The following CNTN3 variants were observed in gnomAD, a reference collection of about 807,000 sequenced individuals.
CNTN3 encodes the protein contactin 3.
A neutral mutation model predicts 119.1 loss-of-function variants in CNTN3; 60 were observed. That is an observed-to-expected ratio of 0.50 (90% CI 0.41 to 0.62). CNTN3 has a LOEUF of 0.62. Among genes scored for constraint, CNTN3 ranks in the 20% least tolerant of loss-of-function variants. The pLI, the probability that CNTN3 is intolerant of heterozygous loss-of-function variation, is 0.00. For missense variants in CNTN3, 1,101 were observed against 1,242.4 expected, an observed-to-expected ratio of 0.89 and a Z score of 1.71; for synonymous variants, 450 against 438.7, an observed-to-expected ratio of 1.03 and a Z score of -0.32.
At chr3:74,379,659 C>T (rs1287465223) in intron 5 of CNTN3, among the ~76,000 whole-genome samples, 1 of 152,188 alleles carries the variant, frequency 6.6e-6, no homozygotes, top group African/African-American at 2.4e-5. Flanking sequence ...CCTCTCCTAT[C>T]TCCAGTTGAA....
At chr3:74,405,087 T>C (rs1032598806) in intron 5 of CNTN3, among the ~76,000 whole-genome samples, 8 of 152,102 alleles carry the variant, frequency 5.3e-5, no homozygotes, top group Non-Finnish European at 1.2e-4. Flanking sequence ...ATACGGTTTC[T>C]GTCTTTGGAG....
chr3:74,541,118 T>C (rs1296358839), intron 1 of CNTN3, among the ~76,000 whole-genome samples: 3 of 152,102 alleles, frequency 2.0e-5, no homozygotes, highest in African/African-American at 7.2e-5. Flanking sequence ...GGAACTCTCA[T>C]ATCCTGACTG....
At chr3:74,471,083 G>A (rs1702553171) in intron 4 of CNTN3, among the ~76,000 whole-genome samples, 1 of 152,062 alleles carries the variant, frequency 6.6e-6, no homozygotes, top group Non-Finnish European at 1.5e-5. Flanking sequence ...CATCATGTTG[G>A]TCAGGATGGT....
intron 18 of CNTN3, among the ~76,000 whole-genome samples, chr3:74,296,607 AACTT>A: frequency 6.6e-6 from 1 of 152,196 alleles, no homozygotes; most frequent in East Asian, 1.9e-4. Context: ...CACTTTTTGC[AACTT>A]ACTGTCAGGT....
chr3:74,568,948 C>A (rs1704268541), intron 1 of CNTN3, among the ~76,000 whole-genome samples: 1 of 152,120 alleles, frequency 6.6e-6, no homozygotes, highest in Non-Finnish European at 1.5e-5. Flanking sequence ...GGGTCTTGGA[C>A]TTTAATGTGT....
chr3:74,297,311 T>C (rs1702358806), intron 18 of CNTN3, among the ~76,000 whole-genome samples: 1 of 151,726 alleles, frequency 6.6e-6, no homozygotes, highest in African/African-American at 2.4e-5. Flanking sequence ...TTTAAATTGA[T>C]GGTTATGATC....
At chr3:74,613,206 C>T (rs1280563917) in intron 1 of CNTN3, among the ~76,000 whole-genome samples, 3 of 150,616 alleles carry the variant, frequency 2.0e-5, no homozygotes, top group Non-Finnish European at 2.9e-5. Flanking sequence ...GATTCTTTTT[C>T]AGCTAGTGTG....
intron 2 of CNTN3, 84 bp downstream of exon 2, chr3:74,520,974 T>G (rs1443499865): frequency 1.4e-6 from 1 of 696,880 alleles, no homozygotes; most frequent in African/African-American, 1.9e-5. Context: ...GGTGGAGTTT[T>G]ATTTCAACAT....
At chr3:74,286,175 C>T (rs1250366452) in intron 19 of CNTN3, among the ~76,000 whole-genome samples, 1 of 151,776 alleles carries the variant, frequency 6.6e-6, no homozygotes, top group Non-Finnish European at 1.5e-5. Context: ...AAAGAGTGAA[C>T]GTAAGGTTGA....
At chr3:74,341,180 T>A (rs546952038) in intron 11 of CNTN3, among the ~76,000 whole-genome samples, 1 of 152,304 alleles carries the variant, frequency 6.6e-6, no homozygotes, top group African/African-American at 2.4e-5. Context: ...TTCCAGTAAG[T>A]TCTAAGAGGC....
In CNTN3 at chr3:74,301,415, A is replaced by C. The variant is rs1404616291; in HGVS notation, c.2078T>G (p.Val693Gly). 1.2e-6 allele frequency: 2 copies of C among 1,613,820 alleles called. No individual in the cohort carries two copies. Among genetic ancestry groups the C allele is most frequent in the South Asian group, 1.1e-5 (1 of 90,970 alleles). ...ACACTAACCTGCCTCTTCAGTTCTTACTTTTTCTGAGGGTAAACTTGGTTC... is the reference window on the plus strand; with the variant it reads ...ACACTAACCTGCCTCTTCAGTTCTTCCTTTTTCTGAGGGTAAACTTGGTTC... The part of the protein sequence containing the change: ...GGEPSLPSEK[V>G]RTEEAVPEVP... The change falls in exon 16 of 23, where the codon GTA becomes GGA. Residue 693 changes from valine to glycine, a missense_variant. Val to Gly is a moderately radical substitution (Grantham distance 109). Transcript: ENST00000263665.
At chr3:74,491,756 C>T (rs980640477) in intron 3 of CNTN3, among the ~76,000 whole-genome samples, 4 of 152,126 alleles carry the variant, frequency 2.6e-5, no homozygotes, top group Non-Finnish European at 5.9e-5. Context: ...TTTGGTTCTG[C>T]ATATTCATAA....
chr3:74,544,654 A>T (rs908365334), intron 1 of CNTN3, among the ~76,000 whole-genome samples: 2 of 152,110 alleles, frequency 1.3e-5, no homozygotes, highest in African/African-American at 4.8e-5. Context: ...GCTGGAGTGC[A>T]GTGGCGCGAT....
At chr3:74,592,874 C>CA (rs1407695023) in intron 1 of CNTN3, among the ~76,000 whole-genome samples, 4 of 151,862 alleles carry the variant, frequency 2.6e-5, no homozygotes, top group Admixed American at 6.6e-5. Flanking sequence ...TTATTTTACA[C>CA]AAAAAATAAG....
At chr3:74,424,607 G>A (rs893239625) in intron 5 of CNTN3, among the ~76,000 whole-genome samples, 2 of 152,134 alleles carry the variant, frequency 1.3e-5, no homozygotes, top group African/African-American at 4.8e-5. Flanking sequence ...GGTGACTGAA[G>A]CAAATGTGAT....
At chr3:74,574,688 T>C (rs547717160) in intron 1 of CNTN3, among the ~76,000 whole-genome samples, 1 of 152,178 alleles carries the variant, frequency 6.6e-6, no homozygotes, top group Non-Finnish European at 1.5e-5. Context: ...ATAATCACCT[T>C]TGGAACCATG....
intron 4 of CNTN3, among the ~76,000 whole-genome samples, chr3:74,466,847 T>C (rs1045264829): frequency 6.6e-6 from 1 of 152,176 alleles, no homozygotes; most frequent in African/African-American, 2.4e-5. Flanking sequence ...TACGTCATTA[T>C]GTATTAGTAT....
rs60508507 is a variant in CNTN3 at position 74,558,982 on chromosome 3, C to CAATAAT, written c.-80-37796_-80-37791dup. Among the ~76,000 whole-genome samples, 281 of 142,980 alleles carry CAATAAT rather than the reference C, an allele frequency of 2.0e-3. 4 individuals carry two copies. Among genetic ancestry groups the CAATAAT allele is most frequent in the South Asian group, 0.018 (81 of 4,396 alleles). 93.8% of individuals were successfully genotyped at this position (142,980 alleles called of 152,430 possible). ...TGGGTGACAGAGTGAGACCCTGTCT[C>CAATAAT]AATAATAATAATAATAATAATAATA... On this transcript the variant is annotated intron_variant, in intron 1 of 22. Coordinates refer to ENST00000263665, the MANE Select transcript of CNTN3 (RefSeq NM_020872.3).
chr3:74,430,038 C>T (rs1701757517), intron 4 of CNTN3, among the ~76,000 whole-genome samples: 5 of 152,194 alleles, frequency 3.3e-5, no homozygotes, highest in Admixed American at 3.3e-4. Context: ...ACATTGTCTT[C>T]TTAAGTGTAA....
Sources: allele counts gnomAD v4.1 joint callset (sites outside exome capture counted in the v4.1 genomes callset), GRCh38; gene constraint gnomAD v4.1.1; transcripts MANE v1.5; gene names NCBI Gene and HGNC (gene_info 2026-07-23, HGNC 2026-07-21).